Variants in MCCC1 observed in about 807,000 individuals in gnomAD.
MCCC1 encodes methylcrotonyl-CoA carboxylase subunit 1.
Under a neutral mutation model 83.8 loss-of-function variants are expected in MCCC1, and 64 were observed. The observed-to-expected ratio is 0.76, with a 90% confidence interval of 0.62 to 0.94. The LOEUF is 0.94. Among genes scored for constraint, MCCC1 ranks in the 40% least tolerant of loss-of-function variants. The probability of loss-of-function intolerance (pLI) is 0.00; values close to 1 mark genes in which losing one functional copy is unlikely to be tolerated. For missense variants in MCCC1, 807 were observed against 904.7 expected, an observed-to-expected ratio of 0.89 and a Z score of 1.39; for synonymous variants, 322 against 315.4, an observed-to-expected ratio of 1.02 and a Z score of -0.22.
chr3:183,039,934 A>G (rs181672943), intron 11 of MCCC1, among the ~76,000 whole-genome samples: 2 of 152,008 alleles, frequency 1.3e-5, no homozygotes, highest in Admixed American at 1.3e-4. Context: ...GTCTCTACTA[A>G]AAATACAAAA....
upstream of MCCC1, chr3:183,116,190 G>A (rs745443070): frequency 2.0e-4 from 35 of 176,238 alleles, no homozygotes; most frequent in Non-Finnish European, 3.9e-4. Context: ...TCCTGCTCAT[G>A]CGCACTGACT....
intron 7 of MCCC1, among the ~76,000 whole-genome samples, chr3:183,059,661 A>C (rs1270960246): frequency 6.6e-6 from 1 of 152,226 alleles, no homozygotes; most frequent in African/African-American, 2.4e-5. Context: ...TCTAAAGAAC[A>C]TCTACTAATA....
chr3:183,038,501 A>G (rs1310336656), intron 12 of MCCC1, among the ~76,000 whole-genome samples: 1 of 152,200 alleles, frequency 6.6e-6, no homozygotes, highest in South Asian at 2.1e-4. Flanking sequence ...AAATCCTTCT[A>G]TGAGCCAAAT....
At chr3:183,039,356 G>A (rs952512168) in intron 11 of MCCC1, among the ~76,000 whole-genome samples, 1 of 152,096 alleles carries the variant, frequency 6.6e-6, no homozygotes, top group African/African-American at 2.4e-5. Flanking sequence ...AGGCCCTAAC[G>A]TGGTGATTCA....
chr3:183,024,155 C>T (rs1415641607), intron 15 of MCCC1, among the ~76,000 whole-genome samples: 8 of 152,032 alleles, frequency 5.3e-5, no homozygotes, highest in Non-Finnish European at 1.2e-4. Flanking sequence ...GAGGCTGAGG[C>T]AGGAGAATCG....
intron 7 of MCCC1, among the ~76,000 whole-genome samples, chr3:183,063,262 G>A (rs1047036842): frequency 4.6e-5 from 7 of 152,294 alleles, no homozygotes; most frequent in East Asian, 1.9e-4. Context: ...GATTACAGGC[G>A]TGAGCCACTG....
chr3:183,057,441 G>GT lies in MCCC1; in HGVS notation c.762-20dup. On this transcript the variant is annotated intron_variant, in intron 7 of 18. Coordinates refer to ENST00000265594, the MANE Select transcript of MCCC1 (RefSeq NM_020166.5). ...TACATGCCTATATAAAAGCAAACAT[G>GT]TATGTTAATATATTTGTTAGGGGTG... The GT allele has an allele frequency of 6.4e-7, 1 of 1,550,900 alleles. No homozygotes were observed. Among genetic ancestry groups the GT allele is most frequent in the Non-Finnish European group, 8.8e-7 (1 of 1,132,060 alleles).
chr3:183,097,191 G>T (rs1280174945), intron 1 of MCCC1, among the ~76,000 whole-genome samples: 1 of 151,992 alleles, frequency 6.6e-6, no homozygotes, highest in African/African-American at 2.4e-5. Flanking sequence ...AGTGAGCCGA[G>T]ATTGCGCCAC....
At chr3:183,090,815 T>C (rs1041599763) in intron 3 of MCCC1, 15 of 334,242 alleles carry the variant, frequency 4.5e-5, no homozygotes, top group Middle Eastern at 4.3e-4. Flanking sequence ...TCTCGAACCC[T>C]GACCTCAGGT....
chr3:183,043,135 C>A (rs1714248364), intron 10 of MCCC1, among the ~76,000 whole-genome samples: 1 of 152,150 alleles, frequency 6.6e-6, no homozygotes. Context: ...ACTAAAAACA[C>A]AAAAATTAGC....
At position 183,021,014 on chromosome 3, in the gene MCCC1, G is replaced by T. The variant is rs1419143523; in HGVS notation, c.1870-777C>A. Among the ~76,000 whole-genome samples, 51 of 151,576 alleles carry T rather than the reference G, an allele frequency of 3.4e-4. 1 individual carries two copies. Among genetic ancestry groups the T allele is most frequent in the Admixed American group, 3.3e-3 (50 of 15,244 alleles). On this transcript the variant is annotated intron_variant, in intron 16 of 18. Coordinates refer to ENST00000265594, the MANE Select transcript of MCCC1 (RefSeq NM_020166.5). ...GGCAGAGCTTGCAGTGAGCCGAGAT[G>T]GCACCACTGCACTCCAACCTGGACA...
At chr3:183,078,897 T>G (rs1434378398) in intron 4 of MCCC1, among the ~76,000 whole-genome samples, 1 of 152,146 alleles carries the variant, frequency 6.6e-6, no homozygotes, top group Non-Finnish European at 1.5e-5. Flanking sequence ...GGAATTCATG[T>G]CTTACATGGA....
chr3:183,082,093 G>A lies in MCCC1; in HGVS notation c.369+4600C>T, dbSNP rs192255672. Among the ~76,000 whole-genome samples, 297 of 152,194 alleles carry A rather than the reference G, an allele frequency of 2.0e-3. 3 individuals carry two copies. The highest frequency in any genetic ancestry group is 3.8e-3 in the Admixed American group (58 of 15,286). Reference sequence around the variant, plus strand: ...AAGAAAACCATATTCACCTGCCTACGGCCCCCCAAGTGTTCTTTCTGCTCA... The same window carrying A: ...AAGAAAACCATATTCACCTGCCTACAGCCCCCCAAGTGTTCTTTCTGCTCA... On this transcript the variant is annotated intron_variant, in intron 4 of 18. Coordinates refer to ENST00000265594, the MANE Select transcript of MCCC1 (RefSeq NM_020166.5).
chr3:183,022,278 G>T, intron 16 of MCCC1, 139 bp downstream of exon 16: 1 of 1,013,284 alleles, frequency 9.9e-7, no homozygotes, highest in Non-Finnish European at 1.5e-6. Context: ...AACACAGAAT[G>T]GTGGGGGAAA....
rs1714476911 is a variant in MCCC1, at chr3:183,045,447, A to G, written c.1049T>C (p.Ile350Thr). 5 of 1,614,144 alleles carry G rather than the reference A, an allele frequency of 3.1e-6. No individual in the cohort carries two copies. The highest frequency in any genetic ancestry group is 1.3e-5 in the African/African-American group (1 of 75,030). Reference protein sequence around the residue: ...LQVEHPVTEMITGTDLVEWQL... With the variant: ...LQVEHPVTEMTTGTDLVEWQL... ...CCACTCCACCAAGTCAGTTCCTGTGATCATCTCAGTAACAGGATGTTCCAC... is the reference window on the plus strand; with the variant it reads ...CCACTCCACCAAGTCAGTTCCTGTGGTCATCTCAGTAACAGGATGTTCCAC... The change falls in exon 10 of 19, where the codon ATC (isoleucine) becomes ACC (threonine). Residue 350 changes from isoleucine to threonine, a missense_variant. By Grantham distance (89) the Ile-to-Thr change is moderately conservative. Transcript: ENST00000265594.
At chr3:183,114,068 A>T (rs1350411850) in intron 1 of MCCC1, among the ~76,000 whole-genome samples, 1 of 152,220 alleles carries the variant, frequency 6.6e-6, no homozygotes, top group African/African-American at 2.4e-5. Context: ...TAACTTGTGC[A>T]AGCTGACTCC....
intron 7 of MCCC1, among the ~76,000 whole-genome samples, chr3:183,068,799 T>A (rs982202361): frequency 7.2e-5 from 11 of 152,162 alleles, no homozygotes; most frequent in African/African-American, 2.7e-4. Context: ...GATACACAAA[T>A]ACTTACCATT....
At chr3:183,114,779 T>C (rs1224492871) in intron 1 of MCCC1, among the ~76,000 whole-genome samples, 1 of 152,050 alleles carries the variant, frequency 6.6e-6, no homozygotes, top group Non-Finnish European at 1.5e-5. Context: ...TTTATTGGAG[T>C]GACCACCCTT....
At chr3:183,071,141 A>AT (rs770847672) in intron 6 of MCCC1, 21 bp from the exon 7 acceptor site, 1 of 1,614,232 alleles carries the variant, frequency 6.2e-7, no homozygotes, top group Non-Finnish European at 8.5e-7. Flanking sequence ...AAAGATGATT[A>AT]TGACTACAAC....
Sources: allele counts gnomAD v4.1 joint callset (sites outside exome capture counted in the v4.1 genomes callset), GRCh38; gene constraint gnomAD v4.1.1; transcripts MANE v1.5; gene names NCBI Gene and HGNC (gene_info 2026-07-23, HGNC 2026-07-21).